Variants in GABRR3 observed in about 807,000 individuals in gnomAD.
GABRR3 encodes the protein gamma-aminobutyric acid type A receptor subunit rho3, also known as gamma-aminobutyric acid receptor subunit rho-3.
Under a neutral mutation model 43.2 loss-of-function variants are expected in GABRR3, and 29 were observed. The observed-to-expected ratio is 0.67, with a 90% CI of 0.50 to 0.92. The LOEUF (loss-of-function observed/expected upper bound fraction) is 0.92, where lower values mean the gene tolerates loss of function less well. Ranked by LOEUF, GABRR3 falls within the 40% of genes least tolerant of loss-of-function variation. The probability of loss-of-function intolerance (pLI) is 0.00; values close to 1 mark genes in which losing one functional copy is unlikely to be tolerated. For synonymous variants in GABRR3, 206 were observed against 195.9 expected (o/e 1.05, Z -0.43); for missense variants, 576 against 572.3 (o/e 1.01, Z -0.07).
chr3:98,024,448 A>T (rs560040571), intron 3 of GABRR3, among the ~76,000 whole-genome samples: 146 of 152,162 alleles, frequency 9.6e-4, no homozygotes, highest in Non-Finnish European at 1.9e-3. Flanking sequence ...CCCCCTAAAA[A>T]AATCCAATCC....
intron 6 of GABRR3, 151 bp downstream of exon 6, chr3:98,008,798 CAAAAAAA>C (rs57502092): frequency 3.5e-5 from 4 of 113,902 alleles, no homozygotes; most frequent in Admixed American, 1.8e-4. Context: ...AAACAGAAAC[CAAAAAAA>C]AAAAAAAAAA....
chr3:98,021,286 A>G (rs1413828806), intron 3 of GABRR3, among the ~76,000 whole-genome samples: 18 of 152,100 alleles, frequency 1.2e-4, no homozygotes. Context: ...TAAAGCCAAA[A>G]CGCAGAATCA....
At chr3:98,017,026 A>G (rs560341253) in intron 4 of GABRR3, among the ~76,000 whole-genome samples, 1 of 152,194 alleles carries the variant, frequency 6.6e-6, no homozygotes, top group Non-Finnish European at 1.5e-5. Context: ...AAGATAAGGG[A>G]TCAGTTTCAA....
chr3:98,012,404 G>T (rs1230796684), exon 5 of GABRR3: 1 of 1,613,934 alleles, frequency 6.2e-7, no homozygotes, highest in Non-Finnish European at 8.5e-7. Context: ...CTCCATAGTT[G>T]TATCATGGAT....
At chr3:97,992,924 T>C (rs765816106) in exon 9 of GABRR3, 1 of 1,613,700 alleles carries the variant, frequency 6.2e-7, no homozygotes, top group Non-Finnish European at 8.5e-7. Context: ...ACTCAATGAC[T>C]GACAGGAACA....
chr3:98,002,071 G>T (rs139853481), intron 7 of GABRR3, among the ~76,000 whole-genome samples: 1 of 152,044 alleles, frequency 6.6e-6, no homozygotes, highest in African/African-American at 2.4e-5. Context: ...GTATTGTGGC[G>T]TTTCTGCAAG....
chr3:98,001,495 A>G (rs1688378), intron 8 of GABRR3, 120 bp downstream of exon 8: 646,911 of 1,042,610 alleles, frequency 0.62, 201,809 homozygotes, highest in African/African-American at 0.67. Flanking sequence ...CTGGATGTTC[A>G]TCTCTGACTA....
chr3:97,995,091 G>A (rs1033024996), intron 8 of GABRR3, among the ~76,000 whole-genome samples: 1 of 151,952 alleles, frequency 6.6e-6, no homozygotes, highest in Non-Finnish European at 1.5e-5. Context: ...TGATTCTCCT[G>A]CCTCAGCCTC....
At chr3:97,988,157 G>T (rs755197275) in intron 9 of GABRR3, among the ~76,000 whole-genome samples, 1 of 151,906 alleles carries the variant, frequency 6.6e-6, no homozygotes, top group African/African-American at 2.4e-5. Flanking sequence ...CTTGGGACCC[G>T]AAGAGTAATA....
downstream of GABRR3, chr3:97,986,551 T>C: frequency 1.6e-6 from 1 of 620,292 alleles, no homozygotes; most frequent in Non-Finnish European, 2.7e-6. Context: ...CAGACAGCTT[T>C]CAAATTTTCA....
At chr3:98,021,594 C>T (rs568990978) in intron 3 of GABRR3, among the ~76,000 whole-genome samples, 1 of 152,098 alleles carries the variant, frequency 6.6e-6, no homozygotes, top group Non-Finnish European at 1.5e-5. Flanking sequence ...TGTTATCTAT[C>T]TATTGGATCA....
intron 4 of GABRR3, among the ~76,000 whole-genome samples, chr3:98,015,805 C>T (rs1415568874): frequency 2.0e-5 from 3 of 152,140 alleles, no homozygotes; most frequent in Non-Finnish European, 4.4e-5. Context: ...ATGTTTGTTC[C>T]CTCCAAATGT....
At position 98,021,203 on chromosome 3, in the gene GABRR3, C is replaced by A. The variant is rs576069459; in HGVS notation, c.239-3481G>T. ...GGTTTGAGCTCCATGTCCCACTGCA[C>A]CTTATTCATGGGTTTGAGGAACTGT... On this transcript the variant is annotated intron_variant, in intron 3 of 9. Coordinates refer to ENST00000621172, the Ensembl canonical transcript of GABRR3. Among the ~76,000 whole-genome samples, 188 of 152,146 alleles carry A rather than the reference C, an allele frequency of 1.2e-3. 3 individuals carry two copies. Among genetic ancestry groups the A allele is most frequent in the Non-Finnish European group, 2.1e-3 (143 of 68,006 alleles).
In GABRR3 at chr3:97,987,061, G is replaced by A. The variant is rs1706397590; in HGVS notation, c.1105-79C>T. 3.5e-5 allele frequency: 34 copies of A among 976,970 alleles called. No homozygotes were observed. The South Asian group carries it at 6.2e-4, about 18-fold the overall frequency. The allele number at this position is 976,970 out of a possible 1,614,324, so 60.5% of individuals were successfully genotyped here. Reference sequence around the variant, plus strand: ...AATTATGGTAAATAATGTTAATAAAGTTAAATATGATTTATCAGAACAGCA... The same window carrying A: ...AATTATGGTAAATAATGTTAATAAAATTAAATATGATTTATCAGAACAGCA... On this transcript the variant is annotated intron_variant, in intron 9 of 9. Transcript: ENST00000621172.
At chr3:97,989,208 G>A (rs1455066599) in intron 9 of GABRR3, among the ~76,000 whole-genome samples, 1 of 151,498 alleles carries the variant, frequency 6.6e-6, no homozygotes, top group Non-Finnish European at 1.5e-5. Flanking sequence ...GATGGTGGTG[G>A]TGTTGGTGGA....
At chr3:98,017,676 G>A in exon 4 of GABRR3, 4 of 1,610,736 alleles carry the variant, frequency 2.5e-6, no homozygotes, top group Non-Finnish European at 3.4e-6. Flanking sequence ...CTGAAATGCT[G>A]TCAATGCTTT....
chr3:98,000,538 C>T (rs538399801), intron 8 of GABRR3: 1 of 152,008 alleles, frequency 6.6e-6, no homozygotes, highest in Admixed American at 6.6e-5. Context: ...TGAAGATATT[C>T]AAGTCTCAAA....
At chr3:98,019,693 C>A (rs1389430496) in intron 3 of GABRR3, among the ~76,000 whole-genome samples, 1 of 152,058 alleles carries the variant, frequency 6.6e-6, no homozygotes, top group African/African-American at 2.4e-5. Flanking sequence ...TCAAGTGATT[C>A]TTGTGCCTCA....
At chr3:98,013,711 G>T (rs1706839601) in intron 4 of GABRR3, among the ~76,000 whole-genome samples, 1 of 152,276 alleles carries the variant, frequency 6.6e-6, no homozygotes, top group South Asian at 2.1e-4. Flanking sequence ...ATTAATCTAG[G>T]AACATTAGCC....
Sources: gnomAD v4.1 joint callset for allele counts (sites outside exome capture counted in the v4.1 genomes callset) on GRCh38, gnomAD v4.1.1 for gene constraint, MANE v1.5 for transcripts, NCBI Gene and HGNC (gene_info 2026-07-23, HGNC 2026-07-21) for gene names.